Variants in AP4E1 observed in about 807,000 individuals in gnomAD.
AP4E1 encodes AP-4 complex subunit epsilon-1.
In AP4E1, 56 loss-of-function variants were observed where a neutral mutation model predicts 128.2. That is an observed-to-expected ratio of 0.44 (90% CI 0.35 to 0.55). The LOEUF is 0.55. Ranked by LOEUF, AP4E1 falls within the 20% of genes least tolerant of loss-of-function variation. The probability of loss-of-function intolerance (pLI) is 0.00; values close to 1 mark genes in which losing one functional copy is unlikely to be tolerated. For synonymous variants in AP4E1, 484 were observed against 473.1 expected (o/e 1.02, Z -0.30); for missense variants, 1,324 against 1,307.7 (o/e 1.01, Z -0.19).
At position 50,968,142 on chromosome 15, in the gene AP4E1, A is replaced by G. The variant is rs1170221681; in HGVS notation, c.1852-121A>G. 4.2e-6 allele frequency: 3 copies of G among 717,774 alleles called. No individual in the cohort carries two copies. In the East Asian group the frequency reaches 8.6e-5, roughly 21 times the overall value. 44.5% of individuals were successfully genotyped at this position (717,774 alleles called of 1,614,324 possible). A position where few individuals can be genotyped will look rare whatever the true frequency, so the allele number is the denominator to read the frequency against. On this transcript the variant is annotated intron_variant, in intron 14 of 20. Transcript: ENST00000261842. ...GCTGTGGTAGCATTTTTAGAACTGAAGTTTTCATTTCTCATTTAGAATTTT... is the reference window on the plus strand; with the variant it reads ...GCTGTGGTAGCATTTTTAGAACTGAGGTTTTCATTTCTCATTTAGAATTTT...
intron 2 of AP4E1, among the ~76,000 whole-genome samples, chr15:50,914,553 A>T (rs2063605114): frequency 6.6e-6 from 1 of 151,196 alleles, no homozygotes; most frequent in South Asian, 2.1e-4. Flanking sequence ...AGAGAGGCTG[A>T]AGCATGAGAA....
chr15:51,002,063 T>C (rs2064970291), intron 20 of AP4E1, among the ~76,000 whole-genome samples: 1 of 152,140 alleles, frequency 6.6e-6, no homozygotes, highest in African/African-American at 2.4e-5. Context: ...TATTTTTTAG[T>C]AGAGATGGGG....
At chr15:50,919,720 G>A (rs1229701236) in intron 3 of AP4E1, among the ~76,000 whole-genome samples, 4 of 151,792 alleles carry the variant, frequency 2.6e-5, no homozygotes, top group African/African-American at 4.8e-5. Context: ...TTAGAGGGAC[G>A]TGTATCTGCA....
chr15:51,002,776 G>C lies in AP4E1; in HGVS notation c.*114G>C. ...CTAATGAAAATGGGGATTATTACAA[G>C]TGTGGTTTATATGTTTTCTTTGTGA... is the stretch of plus-strand genomic sequence containing the variant. On this transcript the variant is annotated 3_prime_UTR_variant, in exon 21 of 21. Transcript: ENST00000261842. The C allele has an allele frequency of 7.6e-7, 1 of 1,318,480 alleles. No individual in the cohort carries two copies. Among genetic ancestry groups the C allele is most frequent in the Non-Finnish European group, 1.1e-6 (1 of 942,574 alleles). 81.7% of individuals were successfully genotyped at this position (1,318,480 alleles called of 1,614,324 possible).
At chr15:50,930,464 C>A (rs1596465544) in intron 6 of AP4E1, among the ~76,000 whole-genome samples, 1 of 151,130 alleles carries the variant, frequency 6.6e-6, no homozygotes, top group South Asian at 2.1e-4. Flanking sequence ...CGAGGTATTA[C>A]TGTCCTTTTG....
intron 20 of AP4E1, among the ~76,000 whole-genome samples, chr15:51,001,395 T>G (rs539263122): frequency 6.6e-6 from 1 of 152,344 alleles, no homozygotes; most frequent in Admixed American, 6.5e-5. Flanking sequence ...TTTTTAAACA[T>G]ATAGTTAAGT....
Position 50,950,169 on chromosome 15 carries a change from G to T in AP4E1, c.1548G>T (p.Trp516Cys). The stretch of plus-strand genomic sequence containing the variant: ...AGAGATTTCTTCAAGTTATGAGTTG[G>T]GTGAGCAAAGTACCTTAAATCATAA... Reference protein sequence around the residue: ...YPQRFLQVMSWVLGEYSYLLD... With the variant: ...YPQRFLQVMSCVLGEYSYLLD... The change falls in exon 13 of 21, where the codon TGG becomes TGT. Residue 516 changes from tryptophan (W) to cysteine (C), a missense_variant and splice_region_variant. By Grantham distance (215) the Trp-to-Cys change is radical. Coordinates refer to ENST00000261842, the MANE Select transcript of AP4E1 (RefSeq NM_007347.5). 2 of 1,570,234 alleles carry T rather than the reference G, an allele frequency of 1.3e-6. No homozygotes were observed. The highest frequency in any genetic ancestry group is 8.8e-7 in the Non-Finnish European group (1 of 1,141,238).
At chr15:50,929,996 C>A (rs2063813007) in intron 6 of AP4E1, among the ~76,000 whole-genome samples, 1 of 151,460 alleles carries the variant, frequency 6.6e-6, no homozygotes. Context: ...TCAAGGCACA[C>A]TCCTTCAGAA....
intron 15 of AP4E1, among the ~76,000 whole-genome samples, chr15:50,975,429 G>T (rs534800928): frequency 6.6e-6 from 1 of 152,082 alleles, no homozygotes; most frequent in Admixed American, 6.6e-5. Flanking sequence ...TACAGTTTTG[G>T]GTCTTACAGT....
chr15:50,958,740 T>C lies in AP4E1; in HGVS notation c.1797T>C (p.Asn599=). Residue 599 remains asparagine, a synonymous_variant, in exon 14 of 21, where the codon AAT becomes AAC. Coordinates refer to ENST00000261842, the MANE Select transcript of AP4E1 (RefSeq NM_007347.5). ...HAFELKHLHE[N]VELMKSLLPV... ...TTGAATTAAAACATTTGCATGAGAA[T>C]GTGGAACTTATGAAGAGCTTGCTTC... 1 of 1,614,174 alleles carries C rather than the reference T, an allele frequency of 6.2e-7. No individual in the cohort carries two copies. Among genetic ancestry groups the C allele is most frequent in the Non-Finnish European group, 8.5e-7 (1 of 1,179,998 alleles).
chr15:50,995,505 T>C (rs1039973335), intron 17 of AP4E1, among the ~76,000 whole-genome samples: 1 of 151,504 alleles, frequency 6.6e-6, no homozygotes, highest in Non-Finnish European at 1.5e-5. Context: ...CCTGTCTCAG[T>C]CTCCCCAGTA....
chr15:51,001,966 C>T (rs147068825), intron 20 of AP4E1, among the ~76,000 whole-genome samples: 1,654 of 152,228 alleles, frequency 0.011, 25 homozygotes, highest in African/African-American at 0.039. Flanking sequence ...GCAACCTCCA[C>T]CTTCCGTGTT....
intron 1 of AP4E1, among the ~76,000 whole-genome samples, chr15:50,910,564 TA>T (rs542679359): frequency 1.3e-5 from 2 of 152,100 alleles, no homozygotes; most frequent in Non-Finnish European, 2.9e-5. Flanking sequence ...TCTGAAGGTT[TA>T]AAAAAAATAT....
chr15:50,973,884 C>T (rs2064516890), intron 15 of AP4E1, among the ~76,000 whole-genome samples: 1 of 152,158 alleles, frequency 6.6e-6, no homozygotes, highest in South Asian at 2.1e-4. Flanking sequence ...CATGGGAATG[C>T]TAATATCTCT....
chr15:50,962,511 C>T (rs1367047855), intron 14 of AP4E1, among the ~76,000 whole-genome samples: 1 of 151,672 alleles, frequency 6.6e-6, no homozygotes, highest in Non-Finnish European at 1.5e-5. Context: ...GAAATGACAC[C>T]CTCTTCAATA....
At chr15:50,949,794 G>C (rs1165976789) in intron 11 of AP4E1, 32 bp from the exon 12 acceptor site, 1 of 1,470,208 alleles carries the variant, frequency 6.8e-7, no homozygotes, top group Non-Finnish European at 9.5e-7. Flanking sequence ...AGTAGCATTT[G>C]GAAGTGTACT....
intron 15 of AP4E1, among the ~76,000 whole-genome samples, chr15:50,971,804 T>C (rs2064483004): frequency 6.6e-6 from 1 of 152,184 alleles, no homozygotes; most frequent in Admixed American, 6.5e-5. Flanking sequence ...GGTTCTTTTT[T>C]ATGATATCTG....
At chr15:50,954,151 T>C (rs1004339527) in intron 13 of AP4E1, among the ~76,000 whole-genome samples, 3 of 152,234 alleles carry the variant, frequency 2.0e-5, no homozygotes, top group Non-Finnish European at 4.4e-5. Flanking sequence ...AGTGTTCTTG[T>C]AGATTTCTTG....
chr15:50,970,336 A>G (rs2064461740), intron 15 of AP4E1, among the ~76,000 whole-genome samples: 1 of 152,182 alleles, frequency 6.6e-6, no homozygotes, highest in Non-Finnish European at 1.5e-5. Flanking sequence ...TTCTTTATCC[A>G]TTCATCTGTT....
Sources: allele counts gnomAD v4.1 joint callset (sites outside exome capture counted in the v4.1 genomes callset), GRCh38; gene constraint gnomAD v4.1.1; transcripts MANE v1.5; gene names NCBI Gene and HGNC (gene_info 2026-07-23, HGNC 2026-07-21).